TFG: variants seen among roughly 807,000 people sequenced by gnomAD.
TFG encodes the protein protein TFG.
TFG carries 22 observed loss-of-function variants against 51.4 expected under a neutral mutation model. The ratio of observed to expected loss-of-function variants is 0.43; its 90% CI spans 0.31 to 0.61. TFG has a LOEUF of 0.61. TFG is among the 20% of genes least tolerant of loss of function. The pLI is 0.12. For synonymous variants in TFG, 187 were observed against 165.6 expected (o/e 1.13, Z -0.99); for missense variants, 419 against 487.7 (o/e 0.86, Z 1.33).
chr3:100,710,241 G>C (rs1290829406), intron 1 of TFG: 2 of 152,214 alleles, frequency 1.3e-5, no homozygotes, highest in Admixed American at 6.5e-5. Context: ...GGCCCAGCCT[G>C]GTTTATAGTG....
Position 100,713,695 on chromosome 3 carries a change from C to A in TFG, c.10C>A (p.Gln4Lys). 6.2e-7 allele frequency: 1 copy of A among 1,601,236 alleles called. No homozygotes were observed. Among genetic ancestry groups the A allele is most frequent in the Non-Finnish European group, 8.5e-7 (1 of 1,171,998 alleles). ...CATCCTGGAGTCCACCATGAACGGA[C>A]AGTTGGATCTAAGTGGGAAGCTAAT... MNGQLDLSGKLIIK... is the reference protein window; with the variant it reads MNGKLDLSGKLIIK... The change falls in exon 2 of 8, where the codon CAG becomes AAG. Residue 4 changes from glutamine to lysine, a missense_variant. Transcript: ENST00000240851.
intron 1 of TFG, 155 bp downstream of exon 1, chr3:100,709,876 G>A: frequency 8.5e-6 from 1 of 117,856 alleles, no homozygotes; most frequent in African/African-American, 3.2e-5. Flanking sequence ...AGGGAGGAGG[G>A]GGTGGGAGGG....
intron 6 of TFG, chr3:100,743,641 A>C (rs1421529164): frequency 6.6e-6 from 1 of 152,156 alleles, no homozygotes; most frequent in African/African-American, 2.4e-5. Flanking sequence ...TAAGCTGGAT[A>C]TAAACATAGT....
intron 5 of TFG, 101 bp downstream of exon 5, chr3:100,732,773 A>G (rs775549986): frequency 1.1e-4 from 111 of 1,042,568 alleles, no homozygotes; most frequent in Non-Finnish European, 1.5e-4. Flanking sequence ...GATATGGTGA[A>G]GTGCACAAAT....
chr3:100,744,270 T>G (rs2095129206), intron 6 of TFG: 1 of 152,218 alleles, frequency 6.6e-6, no homozygotes, highest in African/African-American at 2.4e-5. Flanking sequence ...AGAGTCCACG[T>G]TATTGGCAAA....
At chr3:100,730,560 AAAAC>A (rs1357244177) in intron 4 of TFG, among the ~76,000 whole-genome samples, 2 of 152,194 alleles carry the variant, frequency 1.3e-5, no homozygotes, top group Non-Finnish European at 2.9e-5. Context: ...TTAGAAAACA[AAAAC>A]AACAAGAAAA....
chr3:100,742,413 T>G (rs1449721303), intron 6 of TFG: 1 of 152,158 alleles, frequency 6.6e-6, no homozygotes, highest in Non-Finnish European at 1.5e-5. Context: ...TTAAGAAAGA[T>G]TAATAAAAAC....
chr3:100,740,058 C>G (rs373535747), intron 6 of TFG, among the ~76,000 whole-genome samples: 12 of 152,232 alleles, frequency 7.9e-5, no homozygotes, highest in African/African-American at 2.2e-4. Context: ...AAGGTTCACA[C>G]TTTGCATTGT....
intron 5 of TFG, among the ~76,000 whole-genome samples, chr3:100,733,854 T>C (rs2095098537): frequency 6.6e-6 from 1 of 152,194 alleles, no homozygotes; most frequent in Non-Finnish European, 1.5e-5. Flanking sequence ...GAGCATTGCA[T>C]TGAAAATATG....
chr3:100,741,131 C>G (rs970643217), intron 6 of TFG, among the ~76,000 whole-genome samples: 1 of 151,414 alleles, frequency 6.6e-6, no homozygotes. Flanking sequence ...ATTTACTATA[C>G]TATATTTTTA....
chr3:100,715,512 C>CA (rs1341174293), intron 2 of TFG, among the ~76,000 whole-genome samples: 1 of 152,206 alleles, frequency 6.6e-6, no homozygotes, highest in Non-Finnish European at 1.5e-5. Context: ...AAGTGTAAAT[C>CA]ACTGGTGATC....
At chr3:100,739,443 C>T (rs2095115417) in intron 6 of TFG, among the ~76,000 whole-genome samples, 1 of 151,516 alleles carries the variant, frequency 6.6e-6, no homozygotes, top group Admixed American at 6.6e-5. Context: ...AAAGCCAGTG[C>T]CTGTTACAGG....
chr3:100,718,422 A>G (rs995085364), intron 2 of TFG, among the ~76,000 whole-genome samples: 4 of 151,588 alleles, frequency 2.6e-5, no homozygotes, highest in Non-Finnish European at 4.4e-5. Flanking sequence ...TGTAAAAACC[A>G]TTTTTCATTC....
At chr3:100,720,142 G>A (rs968721434) in intron 3 of TFG, 84 bp downstream of exon 3, 2 of 795,086 alleles carry the variant, frequency 2.5e-6, no homozygotes, top group Non-Finnish European at 4.0e-6. Context: ...TAAAGACTCA[G>A]GTAAGCAATA....
At position 100,730,170 on chromosome 3, in the gene TFG, T is replaced by C. The variant is rs200167748; in HGVS notation, c.415+1312T>C. 2.0e-5 allele frequency among the ~76,000 whole-genome samples: 3 copies of C among 152,298 alleles called. No individual in the cohort carries two copies. The East Asian group carries it at 5.8e-4, about 29-fold the overall frequency. ...TCAGGGGATTTAACCATCTGCAGAA[T>C]ATTAAGAAGTGTAGATGAGAATTTA... On this transcript the variant is annotated intron_variant, in intron 4 of 7. Transcript: ENST00000240851.
At chr3:100,712,667 T>G (rs928497698) in intron 1 of TFG, among the ~76,000 whole-genome samples, 4 of 152,224 alleles carry the variant, frequency 2.6e-5, no homozygotes, top group Non-Finnish European at 4.4e-5. Flanking sequence ...TCTGGGAATA[T>G]GGAAAACATA....
chr3:100,721,571 T>G (rs2095060888), intron 3 of TFG, among the ~76,000 whole-genome samples: 1 of 152,130 alleles, frequency 6.6e-6, no homozygotes. Context: ...CTTAGGTGAG[T>G]TGGGTTTAAA....
At chr3:100,725,622 CAAA>C (rs763163559) in intron 3 of TFG, among the ~76,000 whole-genome samples, 16 of 83,478 alleles carry the variant, frequency 1.9e-4, no homozygotes, top group African/African-American at 5.1e-4. Flanking sequence ...ACCAAAAATA[CAAA>C]AAAAAAAAAA....
chr3:100,721,116 ACAG>A, intron 3 of TFG, among the ~76,000 whole-genome samples: 1 of 152,354 alleles, frequency 6.6e-6, no homozygotes, highest in Admixed American at 6.5e-5. Flanking sequence ...GTATCTTTTT[ACAG>A]TATTGAATGT....
Sources: gnomAD v4.1 joint callset for allele counts (sites outside exome capture counted in the v4.1 genomes callset) on GRCh38, gnomAD v4.1.1 for gene constraint, MANE v1.5 for transcripts, NCBI Gene and HGNC (gene_info 2026-07-23, HGNC 2026-07-21) for gene names.